The following GPATCH8 variants were observed in gnomAD, a reference collection of about 807,000 sequenced individuals.
The protein encoded by GPATCH8 is G patch domain-containing protein 8.
In GPATCH8, 18 loss-of-function variants were observed where a neutral mutation model predicts 118.3. That is an observed-to-expected ratio of 0.15 (90% CI 0.11 to 0.23). The LOEUF (loss-of-function observed/expected upper bound fraction) is 0.23. GPATCH8 is among the 10% of genes least tolerant of loss of function. GPATCH8 has a pLI of 1.00. For synonymous variants in GPATCH8, 659 were observed against 684.7 expected (o/e 0.96, Z 0.59); for missense variants, 1,631 against 1,873.8 (o/e 0.87, Z 2.39).
At position 44,395,689 on chromosome 17, in the gene GPATCH8, C is replaced by T. The variant is rs1364003736; in HGVS notation, c.*1879G>A. ...GGCAGTCAAGAGTTGTGTTTGCCTG[C>T]CACTTTCTTTTCATAAACTTTACTC... On this transcript the variant is annotated 3_prime_UTR_variant, in exon 8 of 8. Coordinates refer to ENST00000591680, the MANE Select transcript of GPATCH8 (RefSeq NM_001002909.4). The T allele has an allele frequency of 2.2e-6, 1 of 453,994 alleles. No individual in the cohort carries two copies. The highest frequency in any genetic ancestry group is 2.4e-5 in the Admixed American group (1 of 42,552). 28.1% of individuals were successfully genotyped at this position (453,994 alleles called of 1,614,324 possible).
chr17:44,441,649 G>A (rs1242704492), intron 3 of GPATCH8, among the ~76,000 whole-genome samples: 12 of 151,818 alleles, frequency 7.9e-5, no homozygotes, highest in South Asian at 6.2e-4. Flanking sequence ...ACTTTAACCC[G>A]GGAGGCAGAG....
chr17:44,484,342 C>G (rs760568315), intron 1 of GPATCH8, among the ~76,000 whole-genome samples: 2 of 152,124 alleles, frequency 1.3e-5, no homozygotes, highest in Non-Finnish European at 2.9e-5. Context: ...ATTTTAAAAG[C>G]TCAAAGGTAA....
Position 44,395,508 on chromosome 17 carries a change from G to A in GPATCH8, c.*2060C>T, listed in dbSNP as rs762353311. On this transcript the variant is annotated 3_prime_UTR_variant, in exon 8 of 8. Coordinates refer to ENST00000591680, the MANE Select transcript of GPATCH8 (RefSeq NM_001002909.4). ...TCTACAAGCTAATGGGAAGCAGCAC[G>A]AAAATGTTAATACTGTATTATTTAT... The A allele has an allele frequency of 1.5e-5, 7 of 454,392 alleles. No homozygotes were observed. Among genetic ancestry groups the A allele is most frequent in the East Asian group, 6.9e-5 (1 of 14,404 alleles). The allele number at this position is 454,392 out of a possible 1,614,324, so 28.1% of individuals were successfully genotyped here.
At chr17:44,483,849 G>GTTT (rs1237412224) in intron 1 of GPATCH8, among the ~76,000 whole-genome samples, 1 of 150,218 alleles carries the variant, frequency 6.7e-6, no homozygotes, top group Non-Finnish European at 1.5e-5. Context: ...TGTTGTTGTT[G>GTTT]TTGTTGTTTT....
Position 44,399,649 on chromosome 17 carries a change from G to A in GPATCH8, c.2428C>T (p.Arg810Trp), listed in dbSNP as rs200071266. The A allele has an allele frequency of 3.6e-5, 58 of 1,614,062 alleles. No homozygotes were observed. The African/African-American group carries it at 4.0e-4, about 11-fold the overall frequency. Residue 810 changes from arginine (R) to tryptophan (W), a missense_variant, in exon 8 of 8, where the codon CGG becomes TGG. Arg to Trp is a moderately radical substitution (Grantham distance 101). This residue lies in a region of GPATCH8 where 922 missense variants were observed against 879.7 expected (regional missense o/e 1.05). Transcript: ENST00000591680. ...GTKRSSRSSH[R>W]SQPSSGDEDS... ...TCATCTCCACTACTGGGTTGGCTCC[G>A]ATGGCTAGACCGGCTGCTCCGTTTG...
Position 44,474,816 on chromosome 17 carries a change from CTGAT to C in GPATCH8, c.120+9_120+12del. ...ACTAGCTAAGACCCGAAATTAAGCA[CTGAT>C]TATCTTACCGATTCTATAGGCTTGT... On this transcript the variant is annotated intron_variant, in intron 2 of 7. Coordinates refer to ENST00000591680, the MANE Select transcript of GPATCH8 (RefSeq NM_001002909.4). 7.0e-7 allele frequency: 1 copy of C among 1,435,022 alleles called. No individual in the cohort carries two copies. Among genetic ancestry groups the C allele is most frequent in the South Asian group, 1.1e-5 (1 of 87,422 alleles). 88.9% of individuals were successfully genotyped at this position (1,435,022 alleles called of 1,614,324 possible). A position where few individuals can be genotyped will look rare whatever the true frequency, so the allele number is the denominator to read the frequency against.
chr17:44,496,456 T>C (rs1419236852), intron 1 of GPATCH8, among the ~76,000 whole-genome samples: 1 of 152,180 alleles, frequency 6.6e-6, no homozygotes, highest in Non-Finnish European at 1.5e-5. Context: ...CTCTTTGAAA[T>C]CAATGTAATT....
intron 7 of GPATCH8, among the ~76,000 whole-genome samples, chr17:44,401,849 C>T (rs1286265558): frequency 6.6e-6 from 1 of 151,684 alleles, no homozygotes; most frequent in African/African-American, 2.4e-5. Flanking sequence ...ACTAAAAATA[C>T]AAAAATTAGC....
In GPATCH8 at chr17:44,398,465, G is replaced by A. The variant is rs768776392; in HGVS notation, c.3612C>T (p.Asp1204=). The change falls in exon 8 of 8, where the codon GAC becomes GAT. Residue 1204 remains aspartate, a synonymous_variant. Transcript: ENST00000591680. ...PSEETTGPLL[D]PPPEESKSGE... is the part of the protein sequence containing the mutation. ...CAGACTTTGACTCTTCTGGGGGTGG[G>A]TCTAATAAGGGGCCAGTTGTTTCCT... 4.3e-5 allele frequency: 70 copies of A among 1,611,454 alleles called. No individual in the cohort carries two copies. In the Middle Eastern group the frequency reaches 1.2e-3, roughly 27 times the overall value.
At position 44,424,403 on chromosome 17, in the gene GPATCH8, C is replaced by T. The variant is rs1317431508; in HGVS notation, c.438G>A (p.Gln146=). The T allele has an allele frequency of 6.2e-7, 1 of 1,600,944 alleles. No individual in the cohort carries two copies. Among genetic ancestry groups the T allele is most frequent in the Non-Finnish European group, 8.6e-7 (1 of 1,167,924 alleles). The change falls in exon 6 of 8, where the codon CAG becomes CAA. Residue 146 remains glutamine, a synonymous_variant. Coordinates refer to ENST00000591680, the MANE Select transcript of GPATCH8 (RefSeq NM_001002909.4). ...FYCELCDKQY[Q]KHQEFDNHIN... is the part of the protein sequence containing the mutation. ...TATGGTTATCAAATTCCTGATGTTTCTGATATTGCTTATCACACAGTTCAC... is the reference window on the plus strand; with the variant it reads ...TATGGTTATCAAATTCCTGATGTTTTTGATATTGCTTATCACACAGTTCAC...
intron 1 of GPATCH8, among the ~76,000 whole-genome samples, chr17:44,488,392 G>A (rs1968961670): frequency 6.6e-6 from 1 of 150,634 alleles, no homozygotes; most frequent in African/African-American, 2.4e-5. Flanking sequence ...TTTTTGAGAT[G>A]GAGTCTTGCT....
rs2048986019 is a variant in GPATCH8 at position 44,400,714 on chromosome 17, CTGCTCCTTGGCT to C, written c.1351_1362del (p.Ser451_Ala454del). ...TCAGAGACTTCACTAACTGTCTTTT[CTGCTCCTTGGCT>C]TGCTGCCGCCTTGATGCAGCTTTTA... is the stretch of plus-strand genomic sequence containing the variant. On this transcript the variant is annotated inframe_deletion, in exon 8 of 8. Transcript: ENST00000591680. 1 of 1,612,052 alleles carries C rather than the reference CTGCTCCTTGGCT, an allele frequency of 6.2e-7. No individual in the cohort carries two copies. The highest frequency in any genetic ancestry group is 1.7e-5 in the Admixed American group (1 of 59,728).
At chr17:44,455,999 G>T (rs757857279) in intron 3 of GPATCH8, among the ~76,000 whole-genome samples, 1 of 152,068 alleles carries the variant, frequency 6.6e-6, no homozygotes, top group African/African-American at 2.4e-5. Flanking sequence ...CACCTGCCTC[G>T]GCCTCCCAAA....
intron 3 of GPATCH8, among the ~76,000 whole-genome samples, chr17:44,437,398 T>C (rs1193803040): frequency 1.3e-5 from 2 of 152,158 alleles, no homozygotes; most frequent in African/African-American, 4.8e-5. Flanking sequence ...CACAGCTGTT[T>C]TACATCACAA....
chr17:44,414,117 G>A lies in GPATCH8; in HGVS notation c.493-8066C>T, dbSNP rs921213058. 4.3e-5 allele frequency among the ~76,000 whole-genome samples: 6 copies of A among 138,090 alleles called. No homozygotes were observed. The East Asian group carries it at 8.1e-4, about 19-fold the overall frequency. The allele number at this position is 138,090 out of a possible 152,430, so 90.6% of individuals were successfully genotyped here. ...TATATATATGTGTGTATATATATAT[G>A]TATATATATGTGTATATATATATAT... On this transcript the variant is annotated intron_variant, in intron 6 of 7. Transcript: ENST00000591680.
chr17:44,436,546 C>T lies in GPATCH8; in HGVS notation c.194-1G>A. 1 of 1,435,036 alleles carries T rather than the reference C, an allele frequency of 7.0e-7. No homozygotes were observed. The highest frequency in any genetic ancestry group is 9.8e-7 in the Non-Finnish European group (1 of 1,016,384). 88.9% of individuals were successfully genotyped at this position (1,435,036 alleles called of 1,614,324 possible). ...ACGATTGGAATGGGATCTGTTCTCC[C>T]TGTAACAGGAACACATAATCAAGGT... is the stretch of plus-strand genomic sequence containing the variant. On this transcript the variant is annotated splice_acceptor_variant, in intron 3 of 7. Coordinates refer to ENST00000591680, the MANE Select transcript of GPATCH8 (RefSeq NM_001002909.4). LOFTEE classifies it high-confidence loss of function.
intron 1 of GPATCH8, among the ~76,000 whole-genome samples, chr17:44,482,883 GCGGTGGCTCA>G (rs1232484959): frequency 6.6e-6 from 1 of 150,434 alleles, no homozygotes; most frequent in Non-Finnish European, 1.5e-5. Context: ...TAGGCCGGGC[GCGGTGGCTCA>G]CGCCTGTAAT....
intron 3 of GPATCH8, among the ~76,000 whole-genome samples, chr17:44,458,251 A>T (rs1475798272): frequency 1.4e-5 from 2 of 146,954 alleles, no homozygotes; most frequent in East Asian, 4.1e-4. Flanking sequence ...ACTCTGTCTC[A>T]AAGGAAAAAA....
At chr17:44,466,402 C>T (rs1356163639) in intron 2 of GPATCH8, among the ~76,000 whole-genome samples, 1 of 152,088 alleles carries the variant, frequency 6.6e-6, no homozygotes, top group Non-Finnish European at 1.5e-5. Flanking sequence ...TTATGGTGCA[C>T]AAAAGTGTGC....
Sources: allele counts gnomAD v4.1 joint callset (sites outside exome capture counted in the v4.1 genomes callset), GRCh38; gene constraint gnomAD v4.1.1; regional missense constraint gnomAD v4.1.1; transcripts MANE v1.5; gene names NCBI Gene and HGNC (gene_info 2026-07-23, HGNC 2026-07-21).